ANKHD1: variants seen among roughly 807,000 people sequenced by gnomAD.
ANKHD1 encodes the protein ankyrin repeat and KH domain-containing protein 1.
ANKHD1 carries 31 observed loss-of-function variants against 230.5 expected under a neutral mutation model. The ratio of observed to expected loss-of-function variants is 0.13; its 90% CI spans 0.10 to 0.18. The LOEUF is 0.18. Among genes scored for constraint, ANKHD1 ranks in the 10% least tolerant of loss-of-function variants. The probability of loss-of-function intolerance (pLI) is 1.00; values close to 1 mark genes in which losing one functional copy is unlikely to be tolerated. For missense variants in ANKHD1, 2,256 were observed against 3,071.3 expected (o/e 0.73, Z 6.27); for synonymous variants, 1,074 against 1,117.6 (o/e 0.96, Z 0.78).
chr5:140,530,504 C>T (rs187412229), intron 29 of ANKHD1, among the ~76,000 whole-genome samples: 162 of 152,302 alleles, frequency 1.1e-3, no homozygotes, highest in African/African-American at 3.7e-3. Flanking sequence ...TGTGAGCCAC[C>T]GTGCCCAGCC....
intron 10 of ANKHD1, among the ~76,000 whole-genome samples, chr5:140,476,735 G>A (rs972971858): frequency 6.6e-6 from 1 of 152,120 alleles, no homozygotes; most frequent in Non-Finnish European, 1.5e-5. Flanking sequence ...CCTGGAGGAA[G>A]GCGTGGGATA....
chr5:140,419,914 CT>C, intron 1 of ANKHD1, among the ~76,000 whole-genome samples: 1 of 14,546 alleles, frequency 6.9e-5, no homozygotes. Flanking sequence ...TCTGTCCTTC[CT>C]TCCCCCTCCC....
chr5:140,496,967 A>T lies in ANKHD1; in HGVS notation c.2693A>T (p.Gln898Leu), dbSNP rs373307821. 3.1e-6 allele frequency: 5 copies of T among 1,614,086 alleles called. No individual in the cohort carries two copies. In the African/African-American group the frequency reaches 5.3e-5, roughly 17 times the overall value. ...GAGGATCACTTTTCAGAGTTACCTC[A>T]GGTTGACACAATCTTATTTAAAGAT... ...LPEDHFSELP[Q>L]VDTILFKDND... The change falls in exon 15 of 34, where the codon CAG becomes CTG. Residue 898 changes from glutamine to leucine, a missense_variant. Coordinates refer to ENST00000360839, the MANE Select transcript of ANKHD1 (RefSeq NM_017747.3).
Position 140,506,119 on chromosome 5 carries a change from TC to T in ANKHD1, c.3408+251del, listed in dbSNP as rs919600930. On this transcript the variant is annotated intron_variant, in intron 18 of 33. Transcript: ENST00000360839. This position sits in a 1 kb window ranked among gnomAD's most constrained non-coding sequence, Gnocchi z 4.7. ...CTAGGGCTGTTTTGTAGAGATGGGG[TC>T]ATGTAATGTTGCCCTGGCCGATTTC... Among the ~76,000 whole-genome samples the T allele has an allele frequency of 6.6e-5, 10 of 152,096 alleles. No homozygotes were observed. The highest frequency in any genetic ancestry group is 2.4e-4 in the African/African-American group (10 of 41,464).
intron 14 of ANKHD1, among the ~76,000 whole-genome samples, chr5:140,489,082 A>T (rs1751645300): frequency 6.6e-6 from 1 of 151,610 alleles, no homozygotes. Context: ...CCCTGCTGCT[A>T]GGGAGACTGT....
intron 8 of ANKHD1, 66 bp from the exon 9 acceptor site, chr5:140,459,098 C>T: frequency 7.6e-7 from 1 of 1,323,400 alleles, no homozygotes; most frequent in African/African-American, 1.5e-5. Context: ...TATCACAATT[C>T]AGAAAATTAA....
Position 140,485,397 on chromosome 5 carries a change from A to AACACACACACACACGCACACACAC in ANKHD1, c.1998+163_1998+164insGCACACACACACACACACACACAC. ...CATAAGGAGACCCCATCTCTATTAA[A>AACACACACACACACGCACACACAC]ACACACACACACACACACACACACA... On this transcript the variant is annotated intron_variant, in intron 12 of 33. Coordinates refer to ENST00000360839, the MANE Select transcript of ANKHD1 (RefSeq NM_017747.3). The surrounding 1 kb of genome is among the most constrained non-coding windows in gnomAD (Gnocchi z 4.8). The AACACACACACACACGCACACACAC allele has an allele frequency of 1.5e-6, 1 of 664,316 alleles. No individual in the cohort carries two copies. Among genetic ancestry groups the AACACACACACACACGCACACACAC allele is most frequent in the African/African-American group, 1.9e-5 (1 of 51,378 alleles). 41.2% of individuals were successfully genotyped at this position (664,316 alleles called of 1,614,324 possible).
At chr5:140,521,108 G>A (rs969171022) in intron 24 of ANKHD1, among the ~76,000 whole-genome samples, 2 of 152,112 alleles carry the variant, frequency 1.3e-5, no homozygotes, top group African/African-American at 4.8e-5. Context: ...ATCAAGTAGA[G>A]TTATTCTAGG....
At chr5:140,440,408 A>T in intron 4 of ANKHD1, 142 bp downstream of exon 4, 1 of 1,262,308 alleles carries the variant, frequency 7.9e-7, no homozygotes, top group Non-Finnish European at 1.0e-6. Context: ...GTAGTGGGTA[A>T]AGTAGAAACA....
At chr5:140,461,939 TAATC>T (rs1417147540) in intron 9 of ANKHD1, among the ~76,000 whole-genome samples, 14 of 152,296 alleles carry the variant, frequency 9.2e-5, no homozygotes, top group African/African-American at 2.9e-4. Flanking sequence ...AAATCACTAT[TAATC>T]AATGTCTCTT....
intron 1 of ANKHD1, among the ~76,000 whole-genome samples, chr5:140,425,253 TCTGTTTTTTATTA>T (rs1237716404): frequency 6.6e-6 from 1 of 152,156 alleles, no homozygotes; most frequent in Non-Finnish European, 1.5e-5. Context: ...AGATATGATT[TCTGTTTTTTATTA>T]CTGTTTTTTA....
At chr5:140,457,390 A>G (rs1775280439) in intron 7 of ANKHD1, among the ~76,000 whole-genome samples, 1 of 152,228 alleles carries the variant, frequency 6.6e-6, no homozygotes, top group Admixed American at 6.5e-5. Flanking sequence ...TGCTGCTATA[A>G]AGACAGATGC....
chr5:140,472,653 T>C (rs2126998923), intron 10 of ANKHD1, among the ~76,000 whole-genome samples: 1 of 152,280 alleles, frequency 6.6e-6, no homozygotes, highest in Middle Eastern at 3.4e-3. Context: ...TCATCAAAAA[T>C]CTGAAACTCA....
At position 140,537,447 on chromosome 5, in the gene ANKHD1, A is replaced by G. The variant is rs926466661; in HGVS notation, c.7086A>G (p.Arg2362=). 5 of 1,614,074 alleles carry G rather than the reference A, an allele frequency of 3.1e-6. No individual in the cohort carries two copies. The highest frequency in any genetic ancestry group is 4.2e-6 in the Non-Finnish European group (5 of 1,180,052). The change falls in exon 31 of 34, where the codon CGA becomes CGG. Residue 2362 remains arginine, a synonymous_variant. Transcript: ENST00000360839. ...QPKGVSASQD[R]KIPPPIGTER... is the part of the protein sequence containing the mutation. ...AAGGAGTCAGTGCCAGTCAAGATCG[A>G]AAGATACCTCCCCCAATTGGAACAG...
At chr5:140,511,353 A>G (rs1393280959) in intron 22 of ANKHD1, among the ~76,000 whole-genome samples, 1 of 152,078 alleles carries the variant, frequency 6.6e-6, no homozygotes, top group Admixed American at 6.6e-5. Context: ...TAAATTTTCA[A>G]CTGCCTCAGG....
chr5:140,535,346 A>AAC lies in ANKHD1; in HGVS notation c.6851-16_6851-15insAC. ...AGTTTTAGCTAATTGGATGTCTTGG[A>AAC]CCTGTTTTATTTCAGGGTTACCATC... On this transcript the variant is annotated splice_polypyrimidine_tract_variant and intron_variant, in intron 29 of 33. Transcript: ENST00000360839. 1 of 1,569,580 alleles carries AAC rather than the reference A, an allele frequency of 6.4e-7. No individual in the cohort carries two copies. Among genetic ancestry groups the AAC allele is most frequent in the Non-Finnish European group, 8.6e-7 (1 of 1,162,356 alleles).
chr5:140,417,829 T>C (rs906584489), intron 1 of ANKHD1, among the ~76,000 whole-genome samples: 2 of 140,902 alleles, frequency 1.4e-5, no homozygotes, highest in Non-Finnish European at 3.0e-5. Flanking sequence ...TTTTCCCATA[T>C]AGTCTTTTTT....
chr5:140,470,611 C>CTTTTTTTTTTGTT (rs1776420623), intron 10 of ANKHD1, among the ~76,000 whole-genome samples: 1 of 71,770 alleles, frequency 1.4e-5, no homozygotes, highest in Non-Finnish European at 2.6e-5. Flanking sequence ...CTTGTTTCTG[C>CTTTTTTTTTTGTT]TTTTTTTTTT....
intron 10 of ANKHD1, among the ~76,000 whole-genome samples, chr5:140,474,834 T>C (rs1723736609): frequency 1.3e-5 from 2 of 152,048 alleles, no homozygotes; most frequent in East Asian, 1.9e-4. Flanking sequence ...TTTATAGATA[T>C]ATTTTTAGGG....
Sources: allele counts gnomAD v4.1 joint callset (sites outside exome capture counted in the v4.1 genomes callset), GRCh38; gene constraint gnomAD v4.1.1; non-coding constraint Gnocchi (gnomAD v3.1); transcripts MANE v1.5; gene names NCBI Gene and HGNC (gene_info 2026-07-23, HGNC 2026-07-21).